LHCGR: variants seen among roughly 807,000 people sequenced by gnomAD.
LHCGR encodes the protein luteinizing hormone/choriogonadotropin receptor.
Under a neutral mutation model 60.7 loss-of-function variants are expected in LHCGR, and 55 were observed. The ratio of observed to expected loss-of-function variants is 0.91; its 90% CI spans 0.73 to 1.13. The LOEUF is 1.13. Ranked by LOEUF, LHCGR falls within the 50% of genes most tolerant of loss-of-function variation. The pLI, the probability that LHCGR is intolerant of heterozygous loss-of-function variation, is 0.00. For missense variants in LHCGR, 862 were observed against 836.0 expected (o/e 1.03, Z -0.38); for synonymous variants, 337 against 316.5 (o/e 1.06, Z -0.69).
chr2:48,716,261 C>T (rs1668246043), intron 6 of LHCGR, among the ~76,000 whole-genome samples: 1 of 151,930 alleles, frequency 6.6e-6, no homozygotes, highest in Admixed American at 6.6e-5. Flanking sequence ...AGGCCTTTCT[C>T]AAATAACTTA....
intron 1 of LHCGR, among the ~76,000 whole-genome samples, chr2:48,754,236 G>C (rs1373340063): frequency 6.6e-6 from 1 of 152,090 alleles, no homozygotes; most frequent in Non-Finnish European, 1.5e-5. Context: ...TTCCCAGAAG[G>C]CCTTTAACTT....
intron 1 of LHCGR, among the ~76,000 whole-genome samples, chr2:48,748,742 C>CT (rs1182611851): frequency 6.6e-5 from 10 of 152,106 alleles, no homozygotes; most frequent in Admixed American, 2.0e-4. Flanking sequence ...ATACTTTTGG[C>CT]TTTTTTTGGT....
chr2:48,721,718 T>A (rs1445013135), intron 6 of LHCGR: 1 of 471,092 alleles, frequency 2.1e-6, no homozygotes, highest in East Asian at 6.9e-5. Context: ...TTCCAATCCA[T>A]GTTTTCTCTT....
intron 1 of LHCGR, among the ~76,000 whole-genome samples, chr2:48,736,503 T>C (rs1292532618): frequency 6.6e-6 from 1 of 152,200 alleles, no homozygotes; most frequent in Non-Finnish European, 1.5e-5. Context: ...CACCTTATCA[T>C]GTCCTCCCTG....
In LHCGR at chr2:48,729,202, C is replaced by A. The variant is rs149019093; in HGVS notation, c.259G>T (p.Glu87Ter). 5 of 1,611,062 alleles carry A rather than the reference C, an allele frequency of 3.1e-6. No individual in the cohort carries two copies. Among genetic ancestry groups the A allele is most frequent in the African/African-American group, 1.3e-5 (1 of 74,840 alleles). ...TCAAAGGCATTAGCTTCTATCCTTT[C>A]CAGGGAATCAATCTGAGAGATTTCA... ...KIEISQIDSL[E>*]RIEANAFDNL... The change falls in exon 3 of 11, where the codon GAA becomes TAA. Residue 87 changes from glutamate (E) to a stop codon, truncating the protein, a stop_gained. Transcript: ENST00000294954. LOFTEE classifies it high-confidence loss of function.
In LHCGR at chr2:48,723,637, T is replaced by A. The variant is rs149343667; in HGVS notation, c.443A>T (p.Glu148Val). ...TGGTACTTACAGAATGAAATTTGAT[T>A]CAGAGGAGAAGACCTTCGTAACATC... is the stretch of plus-strand genomic sequence containing the variant. ...FPDVTKVFSSESNFILEICDN... is the reference protein window; with the variant it reads ...FPDVTKVFSSVSNFILEICDN... Residue 148 changes from glutamate (E) to valine (V), a missense_variant, in exon 5 of 11, where the codon GAA (glutamate) becomes GTA (valine). Transcript: ENST00000294954. 102 of 1,613,646 alleles carry A rather than the reference T, an allele frequency of 6.3e-5. No individual in the cohort carries two copies. Among genetic ancestry groups the A allele is most frequent in the Non-Finnish European group, 7.7e-5 (91 of 1,179,670 alleles).
intron 8 of LHCGR, 67 bp downstream of exon 8, chr2:48,708,881 G>A (rs1667834609): frequency 8.4e-7 from 1 of 1,196,934 alleles, no homozygotes; most frequent in Non-Finnish European, 1.2e-6. Flanking sequence ...ATGATGTGGA[G>A]GGACACCCTA....
intron 1 of LHCGR, among the ~76,000 whole-genome samples, chr2:48,745,406 T>C (rs1281824841): frequency 1.3e-5 from 2 of 152,196 alleles, no homozygotes; most frequent in Non-Finnish European, 2.9e-5. Context: ...CATATGTTTA[T>C]TGTGGCATTA....
intron 2 of LHCGR, among the ~76,000 whole-genome samples, chr2:48,729,707 C>G (rs921371820): frequency 6.6e-6 from 1 of 152,164 alleles, no homozygotes; most frequent in Non-Finnish European, 1.5e-5. Flanking sequence ...AACTCTTAAC[C>G]CTTAGTTTCC....
intron 1 of LHCGR, among the ~76,000 whole-genome samples, chr2:48,739,156 G>A (rs1356212615): frequency 6.6e-6 from 1 of 152,294 alleles, no homozygotes; most frequent in East Asian, 1.9e-4. Context: ...AAAAAGTCAG[G>A]AAACAACAGA....
chr2:48,740,525 T>C (rs1669398424), intron 1 of LHCGR, among the ~76,000 whole-genome samples: 1 of 152,050 alleles, frequency 6.6e-6, no homozygotes, highest in Non-Finnish European at 1.5e-5. Flanking sequence ...CTCAAGTGGG[T>C]CCCTGACCCC....
intron 7 of LHCGR, among the ~76,000 whole-genome samples, chr2:48,710,046 A>G (rs1454119484): frequency 6.6e-6 from 1 of 152,208 alleles, no homozygotes; most frequent in African/African-American, 2.4e-5. Context: ...CAGTGTACAC[A>G]GCAAAACAAA....
At chr2:48,730,985 T>A (rs773303617) in intron 2 of LHCGR, among the ~76,000 whole-genome samples, 26 of 152,174 alleles carry the variant, frequency 1.7e-4, no homozygotes, top group Admixed American at 7.9e-4. Flanking sequence ...ATATCATCAC[T>A]TATAAAATGC....
At chr2:48,709,827 C>T (rs1402623650) in intron 7 of LHCGR, among the ~76,000 whole-genome samples, 1 of 152,204 alleles carries the variant, frequency 6.6e-6, no homozygotes, top group East Asian at 1.9e-4. Context: ...ACTGGTATCT[C>T]TAAGCACAGG....
chr2:48,708,805 C>T, intron 8 of LHCGR, 143 bp downstream of exon 8: 1 of 767,774 alleles, frequency 1.3e-6, no homozygotes, highest in Non-Finnish European at 2.4e-6. Context: ...AGCTGTGATA[C>T]ACTTTGTCTT....
chr2:48,752,995 G>T (rs1402975122), intron 1 of LHCGR, among the ~76,000 whole-genome samples: 2 of 95,374 alleles, frequency 2.1e-5, no homozygotes, highest in Non-Finnish European at 4.2e-5. Context: ...GGGGGGGGGG[G>T]GTGGGGAAGG....
At chr2:48,734,330 A>G (rs1044891903) in intron 1 of LHCGR, among the ~76,000 whole-genome samples, 6 of 152,260 alleles carry the variant, frequency 3.9e-5, no homozygotes, top group Non-Finnish European at 8.8e-5. Context: ...CCTCCTGCAC[A>G]TGAACATACA....
intron 8 of LHCGR, among the ~76,000 whole-genome samples, chr2:48,700,464 A>G (rs1351184915): frequency 6.6e-6 from 1 of 152,028 alleles, no homozygotes. Flanking sequence ...TGGACATGAG[A>G]GTGTAGGGGT....
intron 1 of LHCGR, among the ~76,000 whole-genome samples, chr2:48,745,255 A>G (rs1193604514): frequency 6.6e-6 from 1 of 152,204 alleles, no homozygotes. Context: ...GTGGGACTGT[A>G]AACTAGTTCA....
Sources: allele counts gnomAD v4.1 joint callset (sites outside exome capture counted in the v4.1 genomes callset), GRCh38; gene constraint gnomAD v4.1.1; transcripts MANE v1.5; gene names NCBI Gene and HGNC (gene_info 2026-07-23, HGNC 2026-07-21).